Variants in AKAP13 observed in about 807,000 individuals in gnomAD.
AKAP13 encodes the protein A-kinase anchoring protein 13, also known as A-kinase anchor protein 13.
A neutral mutation model predicts 264.5 loss-of-function variants in AKAP13; 80 were observed. That is an observed-to-expected ratio of 0.30 (90% confidence interval 0.25 to 0.36). The LOEUF (loss-of-function observed/expected upper bound fraction) is 0.36. Ranked by LOEUF, AKAP13 falls within the 10% of genes least tolerant of loss-of-function variation. AKAP13 has a pLI of 1.00. For missense variants in AKAP13, 3,712 were observed against 3,435.2 expected (o/e 1.08, Z -2.01); for synonymous variants, 1,380 against 1,250.2 (o/e 1.10, Z -2.19).
chr15:85,748,098 A>C lies in AKAP13; in HGVS notation c.*3421A>C, dbSNP rs762452934. The C allele has an allele frequency of 6.6e-6, 1 of 152,148 alleles. No homozygotes were observed. Among genetic ancestry groups the C allele is most frequent in the Non-Finnish European group, 1.5e-5 (1 of 68,042 alleles). The allele number at this position is 152,148 out of a possible 1,614,324, so 9.4% of individuals were successfully genotyped here. ...CCACAGAAGTGCTTTCTATTTCATC[A>C]TTTTTGTTTCTAGGGCTCTTTTTCT... On this transcript the variant is annotated 3_prime_UTR_variant, in exon 37 of 37. Transcript: ENST00000394518.
chr15:85,533,719 G>C lies in AKAP13; in HGVS notation c.317G>C (p.Ser106Thr), dbSNP rs1026850816. The C allele has an allele frequency of 2.5e-6, 4 of 1,614,088 alleles. No individual in the cohort carries two copies. In the African/African-American group the frequency reaches 5.3e-5, roughly 22 times the overall value. ...GATGCAGCTCAATTCCTAGCAACCA[G>C]TGCTGGAAATCAGCAGGCTTTGAAC... ...AYDAAQFLAT[S>T]AGNQQALNFT... Residue 106 changes from serine to threonine, a missense_variant, in exon 4 of 37, where the codon AGT (serine) becomes ACT (threonine). Ser to Thr is a moderately conservative substitution (Grantham distance 58). Coordinates refer to ENST00000394518, the MANE Select transcript of AKAP13 (RefSeq NM_007200.5).
Position 85,415,652 on chromosome 15 carries a change from T to C in AKAP13, c.-12+34854T>C. 4 of 1,345,602 alleles carry C rather than the reference T, an allele frequency of 3.0e-6. No individual in the cohort carries two copies. The Admixed American group carries it at 6.8e-5, about 23-fold the overall frequency. 83.4% of individuals were successfully genotyped at this position (1,345,602 alleles called of 1,614,324 possible). A position where few individuals can be genotyped will look rare whatever the true frequency, so the allele number is the denominator to read the frequency against. ...TAGAATAAAAATTCCATCATCACTT[T>C]GGACAGGAGTTAACTAAGAGAATGA... is the stretch of plus-strand genomic sequence containing the variant. On this transcript the variant is annotated intron_variant, in intron 1 of 36. Coordinates refer to ENST00000394518, the MANE Select transcript of AKAP13 (RefSeq NM_007200.5).
chr15:85,520,562 C>A, intron 2 of AKAP13: 3 of 434,212 alleles, frequency 6.9e-6, no homozygotes, highest in South Asian at 1.7e-5. Flanking sequence ...CTAGTAGTTG[C>A]AAAGTCATAG....
At chr15:85,485,676 A>G (rs1567081905) in intron 1 of AKAP13, 34 bp from the exon 2 acceptor site, 3 of 1,602,160 alleles carry the variant, frequency 1.9e-6, no homozygotes, top group Admixed American at 1.7e-5. Flanking sequence ...GACAACTTTT[A>G]ATTTTATTCT....
chr15:85,397,628 G>A (rs1399901148), intron 1 of AKAP13, among the ~76,000 whole-genome samples: 1 of 152,048 alleles, frequency 6.6e-6, no homozygotes, highest in African/African-American at 2.4e-5. Context: ...TCTTATATAG[G>A]TCAGGTCTTA....
chr15:85,539,527 G>A (rs7168738), intron 4 of AKAP13, among the ~76,000 whole-genome samples: 145,517 of 152,266 alleles, frequency 0.96, 69,592 homozygotes, highest in African/African-American at 0.97. Context: ...TGGGGTAGGA[G>A]AGTAGTCCTT....
At chr15:85,609,477 T>C (rs1242401995) in intron 8 of AKAP13, among the ~76,000 whole-genome samples, 1 of 152,240 alleles carries the variant, frequency 6.6e-6, no homozygotes, top group African/African-American at 2.4e-5. Context: ...AATAATATTC[T>C]GTTGTGTATA....
intron 8 of AKAP13, among the ~76,000 whole-genome samples, chr15:85,636,094 G>A (rs908998234): frequency 1.3e-5 from 2 of 152,018 alleles, no homozygotes; most frequent in African/African-American, 4.8e-5. Context: ...TCTCAACAAT[G>A]TTTTATAAAG....
intron 14 of AKAP13, among the ~76,000 whole-genome samples, chr15:85,670,349 G>T (rs775271206): frequency 2.0e-5 from 3 of 151,558 alleles, no homozygotes; most frequent in Non-Finnish European, 2.9e-5. Context: ...CAAAGATATT[G>T]TCTTATATTA....
At chr15:85,704,899 C>T (rs893384840) in intron 17 of AKAP13, among the ~76,000 whole-genome samples, 3 of 152,148 alleles carry the variant, frequency 2.0e-5, no homozygotes, top group Non-Finnish European at 4.4e-5. Context: ...TTCTAAATCA[C>T]CCACGCACAG....
chr15:85,659,119 A>G (rs1319346485), intron 12 of AKAP13, among the ~76,000 whole-genome samples: 1 of 152,246 alleles, frequency 6.6e-6, no homozygotes, highest in Non-Finnish European at 1.5e-5. Context: ...AGTCAGAGGC[A>G]TAAGTTCATT....
chr15:85,520,504 A>G (rs1278223405), intron 2 of AKAP13, among the ~76,000 whole-genome samples: 12 of 112,118 alleles, frequency 1.1e-4, no homozygotes, highest in Admixed American at 6.3e-4. Flanking sequence ...GTCTCAAAAA[A>G]AAAAAAAAAA....
At chr15:85,647,725 C>G (rs1281931855) in intron 10 of AKAP13, among the ~76,000 whole-genome samples, 3 of 152,138 alleles carry the variant, frequency 2.0e-5, no homozygotes, top group Admixed American at 6.5e-5. Context: ...GCGGGCTGAT[C>G]ATGAGGTCAG....
chr15:85,540,494 C>T (rs890887496), intron 4 of AKAP13, among the ~76,000 whole-genome samples: 2 of 152,182 alleles, frequency 1.3e-5, no homozygotes, highest in African/African-American at 2.4e-5. Flanking sequence ...ACAGTTAATT[C>T]ACACTGGGGA....
At chr15:85,635,940 T>C (rs1248466680) in intron 8 of AKAP13, among the ~76,000 whole-genome samples, 1 of 152,190 alleles carries the variant, frequency 6.6e-6, no homozygotes, top group Non-Finnish European at 1.5e-5. Context: ...ATGTCTGCTG[T>C]TTAATATCAC....
chr15:85,703,489 T>C (rs2151674158), intron 17 of AKAP13, among the ~76,000 whole-genome samples: 1 of 152,344 alleles, frequency 6.6e-6, no homozygotes, highest in Middle Eastern at 3.4e-3. Context: ...ACATCTCACA[T>C]GCCTTTTGCA....
At chr15:85,382,444 G>A (rs1467666026) in intron 1 of AKAP13, among the ~76,000 whole-genome samples, 1 of 152,142 alleles carries the variant, frequency 6.6e-6, no homozygotes, top group African/African-American at 2.4e-5. Context: ...AGGATTCACA[G>A]TACTCGCTCC....
intron 36 of AKAP13, 125 bp downstream of exon 36, chr15:85,743,950 C>T: frequency 1.8e-6 from 2 of 1,124,762 alleles, no homozygotes; most frequent in South Asian, 3.3e-5. Flanking sequence ...GCCAAACTGC[C>T]ATCCTTTTCA....
At chr15:85,701,644 A>G (rs1317967775) in intron 17 of AKAP13, among the ~76,000 whole-genome samples, 6 of 113,072 alleles carry the variant, frequency 5.3e-5, no homozygotes, top group Non-Finnish European at 1.1e-4. Flanking sequence ...GGGTTTCACC[A>G]TATTGGCCAG....
Sources: gnomAD v4.1 joint callset for allele counts (sites outside exome capture counted in the v4.1 genomes callset) on GRCh38, gnomAD v4.1.1 for gene constraint, MANE v1.5 for transcripts, NCBI Gene and HGNC (gene_info 2026-07-23, HGNC 2026-07-21) for gene names.